CENPW: variants seen among roughly 807,000 people sequenced by gnomAD.
CENPW encodes centromere protein W, also known as cancer-up-regulated gene 2 protein.
CENPW carries 3 observed loss-of-function variants against 11.1 expected under a neutral mutation model. The ratio of observed to expected loss-of-function variants is 0.27; its 90% CI spans 0.12 to 0.70. CENPW has a LOEUF of 0.70. CENPW is among the 30% of genes least tolerant of loss of function. The pLI is 0.77. For synonymous variants in CENPW, 38 were observed against 42.0 expected, an observed-to-expected ratio of 0.91 and a Z score of 0.37; for missense variants, 100 against 105.6, an observed-to-expected ratio of 0.95 and a Z score of 0.23.
rs536319031 is a variant in CENPW, at chr6:126,342,040, C to G, written c.126+1641C>G. Among the ~76,000 whole-genome samples, 3 of 152,246 alleles carry G rather than the reference C, an allele frequency of 2.0e-5. No individual in the cohort carries two copies. The East Asian group carries it at 5.8e-4, about 29-fold the overall frequency. On this transcript the variant is annotated intron_variant, in intron 1 of 2. Transcript: ENST00000368328. ...CGTGTTTGGCTTTCATTAAACAGTT[C>G]GCCTTCACTGTCTTGAATGTGGCAT...
the CENPW span, among the ~76,000 whole-genome samples, chr6:126,368,872 C>T: frequency 6.6e-6 from 1 of 152,030 alleles, no homozygotes; most frequent in African/African-American, 2.4e-5. Context: ...GTCTCAATCT[C>T]CTGATCTCGT....
At chr6:126,414,918 A>G in the CENPW span, among the ~76,000 whole-genome samples, 1 of 152,194 alleles carries the variant, frequency 6.6e-6, no homozygotes, top group South Asian at 2.1e-4. Flanking sequence ...AAAAATTATA[A>G]TTGATACCAG....
chr6:126,341,538 C>G (rs1780311463), intron 1 of CENPW, among the ~76,000 whole-genome samples: 1 of 152,132 alleles, frequency 6.6e-6, no homozygotes, highest in Non-Finnish European at 1.5e-5. Flanking sequence ...ACATTTTCCC[C>G]CAGAAAAGTA....
chr6:126,351,200 TAG>T (rs2128290410), downstream of CENPW, among the ~76,000 whole-genome samples: 1 of 151,330 alleles, frequency 6.6e-6, no homozygotes, highest in Non-Finnish European at 1.5e-5. Flanking sequence ...GGGAAGTTGC[TAG>T]AGTCAGTAGA....
intron 1 of CENPW, among the ~76,000 whole-genome samples, chr6:126,344,068 T>G (rs1780363021): frequency 6.6e-6 from 1 of 152,080 alleles, no homozygotes; most frequent in Non-Finnish European, 1.5e-5. Context: ...TGTAGTGGGG[T>G]CTTCATGCAA....
At chr6:126,402,015 A>T in the CENPW span, among the ~76,000 whole-genome samples, 2 of 151,954 alleles carry the variant, frequency 1.3e-5, no homozygotes, top group Non-Finnish European at 2.9e-5. Flanking sequence ...GGCAGCACCT[A>T]TTTTCTTTTC....
the CENPW span, among the ~76,000 whole-genome samples, chr6:126,366,386 A>C: frequency 1.1e-4 from 16 of 152,168 alleles, no homozygotes; most frequent in Non-Finnish European, 2.1e-4. Context: ...TGTAAGTTAA[A>C]CCATTGAAGT....
At chr6:126,467,723 AG>A in the CENPW span, among the ~76,000 whole-genome samples, 4 of 152,178 alleles carry the variant, frequency 2.6e-5, no homozygotes, top group Non-Finnish European at 5.9e-5. Flanking sequence ...TGCACCTTCA[AG>A]GGGCATAACT....
chr6:126,458,279 A>G, the CENPW span, among the ~76,000 whole-genome samples: 8 of 151,374 alleles, frequency 5.3e-5, no homozygotes, highest in Non-Finnish European at 8.9e-5. Flanking sequence ...ATTCATGGCT[A>G]TGATCCTCAA....
chr6:126,345,057 G>A (rs1379466628), intron 1 of CENPW, among the ~76,000 whole-genome samples: 1 of 151,892 alleles, frequency 6.6e-6, no homozygotes, highest in African/African-American at 2.4e-5. Flanking sequence ...ATAAATAAGA[G>A]TACTACATAT....
At chr6:126,454,750 C>A in the CENPW span, among the ~76,000 whole-genome samples, 1 of 150,952 alleles carries the variant, frequency 6.6e-6, no homozygotes, top group Admixed American at 6.6e-5. Flanking sequence ...AATTGAGACA[C>A]AAACAGATCA....
the CENPW span, among the ~76,000 whole-genome samples, chr6:126,393,816 A>T: frequency 6.6e-6 from 1 of 150,800 alleles, no homozygotes; most frequent in African/African-American, 2.4e-5. Flanking sequence ...ATATAAATAC[A>T]TGTGCATCAT....
chr6:126,438,392 T>C, the CENPW span, among the ~76,000 whole-genome samples: 4 of 151,650 alleles, frequency 2.6e-5, no homozygotes, highest in East Asian at 7.7e-4. Context: ...ACTAAAAGTA[T>C]AGAAAGGGAA....
At chr6:126,353,395 A>G (rs543486119), downstream of CENPW, among the ~76,000 whole-genome samples, 39 of 152,136 alleles carry the variant, frequency 2.6e-4, no homozygotes, top group Admixed American at 1.3e-3. Context: ...ATAGCAAATA[A>G]TGTTAAAATG....
chr6:126,402,589 C>T, the CENPW span, among the ~76,000 whole-genome samples: 1 of 133,294 alleles, frequency 7.5e-6, no homozygotes, highest in East Asian at 2.5e-4. Flanking sequence ...CTATCCTAGA[C>T]ATTTTATATA....
the CENPW span, among the ~76,000 whole-genome samples, chr6:126,458,599 T>C: frequency 2.0e-5 from 3 of 151,208 alleles, no homozygotes; most frequent in Non-Finnish European, 3.0e-5. Flanking sequence ...AGGAAGAAAA[T>C]AATGAATTTT....
the CENPW span, among the ~76,000 whole-genome samples, chr6:126,424,303 CAT>C: frequency 6.6e-6 from 1 of 152,060 alleles, no homozygotes; most frequent in East Asian, 1.9e-4. Flanking sequence ...TTAGTCATGA[CAT>C]ATTTGAATAT....
chr6:126,433,653 G>T, the CENPW span, among the ~76,000 whole-genome samples: 1 of 152,062 alleles, frequency 6.6e-6, no homozygotes, highest in Non-Finnish European at 1.5e-5. Flanking sequence ...CAAGTTGAAA[G>T]AAATTTAAAT....
At chr6:126,434,213 T>C in the CENPW span, among the ~76,000 whole-genome samples, 1 of 152,072 alleles carries the variant, frequency 6.6e-6, no homozygotes, top group South Asian at 2.1e-4. Context: ...TTTTGAATGG[T>C]AGTTTGCTTG....
Sources: gnomAD v4.1 joint callset for allele counts (sites outside exome capture counted in the v4.1 genomes callset) on GRCh38, gnomAD v4.1.1 for gene constraint, MANE v1.5 for transcripts, NCBI Gene and HGNC (gene_info 2026-07-23, HGNC 2026-07-21) for gene names.